GAS6: variants seen among roughly 807,000 people sequenced by gnomAD.
The protein encoded by GAS6 is growth arrest specific 6.
GAS6 carries 41 observed loss-of-function variants against 75.8 expected under a neutral mutation model. That is an observed-to-expected ratio of 0.54 (90% CI 0.42 to 0.70). The LOEUF (loss-of-function observed/expected upper bound fraction) is 0.70. GAS6 is among the 30% of genes least tolerant of loss of function. The pLI is 0.00. For synonymous variants in GAS6, 432 were observed against 412.6 expected (o/e 1.05, Z -0.57); for missense variants, 854 against 940.2 (o/e 0.91, Z 1.20).
rs746136457 is a variant in GAS6 at position 113,848,508 on chromosome 13, T to C, written c.256-458A>G. Among the ~76,000 whole-genome samples the C allele has an allele frequency of 1.3e-5, 2 of 152,138 alleles. No individual in the cohort carries two copies. The highest frequency in any genetic ancestry group is 2.9e-5 in the Non-Finnish European group (2 of 68,022). On this transcript the variant is annotated intron_variant, in intron 2 of 14. Transcript: ENST00000327773. This position sits in a 1 kb window ranked among gnomAD's most constrained non-coding sequence, Gnocchi z 4.8. ...TGGAGGCTGTAATGAAGGGTCTTCT[T>C]ATCCATGAAAGCGCACTGACGAGGT...
chr13:113,828,718 A>G lies in GAS6; in HGVS notation c.1144-7T>C, dbSNP rs1269960950. On this transcript the variant is annotated splice_polypyrimidine_tract_variant and splice_region_variant and intron_variant, in intron 10 of 14. Coordinates refer to ENST00000327773, the MANE Select transcript of GAS6 (RefSeq NM_000820.4). Reference sequence around the variant, plus strand: ...CCAGCTCCTCAACAGAGATCTGAAGAGAGGCAGCGCCATGAGAAAAGATGG... The same window carrying G: ...CCAGCTCCTCAACAGAGATCTGAAGGGAGGCAGCGCCATGAGAAAAGATGG... 3 of 1,611,966 alleles carry G rather than the reference A, an allele frequency of 1.9e-6. No individual in the cohort carries two copies. Among genetic ancestry groups the G allele is most frequent in the Middle Eastern group, 1.7e-4 (1 of 6,054 alleles).
At position 113,839,786 on chromosome 13, in the gene GAS6, G is replaced by A; in HGVS notation, c.408C>T (p.Leu136=). 6.2e-7 allele frequency: 1 copy of A among 1,614,060 alleles called. No individual in the cohort carries two copies. The change falls in exon 5 of 15, where the codon CTC becomes CTT. Residue 136 remains leucine (L), a synonymous_variant. Transcript: ENST00000327773. ...TACACAGGCAGAAGAAGTTGCCCAT[G>A]AGGTCCTGGCAGGCTTGGGTCCCCT... ...DRKGTQACQD[L]MGNFFCLCKA...
At chr13:113,847,081 C>A in intron 3 of GAS6, 1 of 481,876 alleles carries the variant, frequency 2.1e-6, no homozygotes, top group Non-Finnish European at 4.1e-6. Flanking sequence ...GGCACATGCA[C>A]ATCCAGGGAT....
chr13:113,828,770 A>G (rs2051587040), intron 10 of GAS6, 59 bp from the exon 11 acceptor site: 34 of 1,556,428 alleles, frequency 2.2e-5, no homozygotes, highest in Non-Finnish European at 2.9e-5. Context: ...GGGGCTCCCA[A>G]CTGAGAAAAA....
intron 2 of GAS6, among the ~76,000 whole-genome samples, chr13:113,857,890 C>CG: frequency 6.6e-6 from 1 of 152,226 alleles, no homozygotes; most frequent in East Asian, 1.9e-4. Flanking sequence ...TGCAGACGCC[C>CG]GGGTGAAAAC....
chr13:113,854,069 C>G (rs1204272051), intron 2 of GAS6, among the ~76,000 whole-genome samples: 1 of 152,198 alleles, frequency 6.6e-6, no homozygotes, highest in African/African-American at 2.4e-5. Flanking sequence ...ACCCGGCATG[C>G]CCATCTGCAC....
Position 113,846,194 on chromosome 13 carries a change from C to T in GAS6, c.343+333G>A, listed in dbSNP as rs561523479. ...GCCACGCGTGTGAAGAGCGGAAGGC[C>T]GCTCACACATGTTTACATGTCTAAG... On this transcript the variant is annotated intron_variant, in intron 4 of 14. Transcript: ENST00000327773. 3.3e-5 allele frequency among the ~76,000 whole-genome samples: 5 copies of T among 149,526 alleles called. No homozygotes were observed. In the South Asian group the frequency reaches 6.4e-4, roughly 19 times the overall value.
At chr13:113,861,755 C>G (rs914859128) in intron 2 of GAS6, among the ~76,000 whole-genome samples, 1 of 152,174 alleles carries the variant, frequency 6.6e-6, no homozygotes, top group Admixed American at 6.5e-5. Flanking sequence ...CGGCAGGAAC[C>G]GGAAACAGAA....
chr13:113,862,822 CCT>C (rs2051983036), intron 2 of GAS6, among the ~76,000 whole-genome samples: 1 of 152,194 alleles, frequency 6.6e-6, no homozygotes, highest in Non-Finnish European at 1.5e-5. Flanking sequence ...ATGAAATCAC[CCT>C]GACTTCAGGG....
Position 113,838,236 on chromosome 13 carries a change from C to A in GAS6, c.467-45G>T, listed in dbSNP as rs1194692490. ...TGAAGGGGAGCCCAAGGGTGCACAGCCCCTGGCTACGGTAGGAAGAGATCC... is the reference window on the plus strand; with the variant it reads ...TGAAGGGGAGCCCAAGGGTGCACAGACCCTGGCTACGGTAGGAAGAGATCC... On this transcript the variant is annotated intron_variant, in intron 5 of 14. Transcript: ENST00000327773. 2.6e-5 allele frequency: 41 copies of A among 1,607,536 alleles called. No homozygotes were observed. The Admixed American group carries it at 3.3e-4, about 13-fold the overall frequency.
chr13:113,848,989 C>T lies in GAS6; in HGVS notation c.256-939G>A, dbSNP rs76087222. Among the ~76,000 whole-genome samples, 4,678 of 152,284 alleles carry T rather than the reference C, an allele frequency of 0.031. 253 individuals carry two copies. The highest frequency in any genetic ancestry group is 0.11 in the African/African-American group (4,446 of 41,536). ...GGTAGGTACCCAGCGCCGTCTGCAA[C>T]GCGCCTCTGGCTTCATGCGCTGGCT... On this transcript the variant is annotated intron_variant, in intron 2 of 14. Transcript: ENST00000327773. This position sits in a 1 kb window ranked among gnomAD's most constrained non-coding sequence, Gnocchi z 4.8.
rs575587089 is a variant in GAS6 at position 113,820,826 on chromosome 13, G to A, written c.*38C>T. Reference sequence around the variant, plus strand: ...CCCCCAGGCTCCTCCCGGCTGTCTCGGACAGAGACTGAGAAGCCTGCCGCG... The same window carrying A: ...CCCCCAGGCTCCTCCCGGCTGTCTCAGACAGAGACTGAGAAGCCTGCCGCG... On this transcript the variant is annotated 3_prime_UTR_variant, in exon 15 of 15. Coordinates refer to ENST00000327773, the MANE Select transcript of GAS6 (RefSeq NM_000820.4). 46 of 1,595,904 alleles carry A rather than the reference G, an allele frequency of 2.9e-5. No homozygotes were observed. Among genetic ancestry groups the A allele is most frequent in the East Asian group, 2.0e-4 (9 of 44,480 alleles).
rs144103562 is a variant in GAS6, at chr13:113,828,661, A to T, written c.1194T>A (p.Asp398Glu). Residue 398 changes from aspartate (D) to glutamate (E), a missense_variant, in exon 11 of 15, where the codon GAT (aspartate) becomes GAA (glutamate). By Grantham distance (45) the Asp-to-Glu change is conservative. Transcript: ENST00000327773. ...ARNLVIKVNR[D>E]AVMKIAVAGD... ...CGGCCACCGCGATTTTCATGACAGC[A>T]TCCCTGTTGACCTTGATGACCAGAT... 2.5e-6 allele frequency: 4 copies of T among 1,613,608 alleles called. No individual in the cohort carries two copies. Among genetic ancestry groups the T allele is most frequent in the Non-Finnish European group, 3.4e-6 (4 of 1,180,004 alleles).
chr13:113,836,950 G>A lies in GAS6; in HGVS notation c.589+1119C>T, dbSNP rs911660551. Among the ~76,000 whole-genome samples, 11 of 150,564 alleles carry A rather than the reference G, an allele frequency of 7.3e-5. 1 individual carries two copies. The highest frequency in any genetic ancestry group is 4.0e-4 in the Admixed American group (6 of 15,142). On this transcript the variant is annotated intron_variant, in intron 6 of 14. Coordinates refer to ENST00000327773, the MANE Select transcript of GAS6 (RefSeq NM_000820.4). ...AGGAAGATGGGGAGGAGGAGGAGAGGACGGGAATGCCTCTGTCACTGTGGG... is the reference window on the plus strand; with the variant it reads ...AGGAAGATGGGGAGGAGGAGGAGAGAACGGGAATGCCTCTGTCACTGTGGG...
At chr13:113,838,026 T>C (rs1465236797) in intron 6 of GAS6, 43 bp downstream of exon 6, 3 of 1,604,846 alleles carry the variant, frequency 1.9e-6, no homozygotes, top group Non-Finnish European at 2.5e-6. Context: ...AAATAGAAGG[T>C]GGGGAGAGGA....
chr13:113,850,466 C>T (rs1237292779), intron 2 of GAS6, among the ~76,000 whole-genome samples: 1 of 152,180 alleles, frequency 6.6e-6, no homozygotes, highest in Non-Finnish European at 1.5e-5. Context: ...AGCTGGGATT[C>T]CCAGGCTGGA....
chr13:113,821,979 T>C lies in GAS6; in HGVS notation c.1861A>G (p.Thr621Ala). The change falls in exon 14 of 15, where the codon ACC becomes GCC. Residue 621 changes from threonine (T) to alanine (A), a missense_variant. Transcript: ENST00000327773. Reference protein sequence around the residue: ...LERHLRSPVLTFAGGLPDVPV... With the variant: ...LERHLRSPVLAFAGGLPDVPV... Reference sequence around the variant, plus strand: ...CTACCTGGCAGGCCGCCAGCAAAGGTGAGCACGGGGCTCCGCAGGTGCCTC... The same window carrying C: ...CTACCTGGCAGGCCGCCAGCAAAGGCGAGCACGGGGCTCCGCAGGTGCCTC... 6.5e-7 allele frequency: 1 copy of C among 1,541,224 alleles called. No homozygotes were observed. The highest frequency in any genetic ancestry group is 8.7e-7 in the Non-Finnish European group (1 of 1,145,664).
chr13:113,851,612 T>C (rs2051876670), intron 2 of GAS6, among the ~76,000 whole-genome samples: 1 of 151,632 alleles, frequency 6.6e-6, no homozygotes. Flanking sequence ...GATGAATAAA[T>C]GAAGGAATGA....
rs371109462 is a variant in GAS6 at position 113,821,031 on chromosome 13, G to A, written c.1883-13C>T. 6.2e-7 allele frequency: 1 copy of A among 1,611,684 alleles called. No homozygotes were observed. Among genetic ancestry groups the A allele is most frequent in the Non-Finnish European group, 8.5e-7 (1 of 1,179,558 alleles). Reference sequence around the variant, plus strand: ...GTCACCGGCACATCTGGGCCGCAGGGAGAGAACAACATATCTTAGCTCACC... The same window carrying A: ...GTCACCGGCACATCTGGGCCGCAGGAAGAGAACAACATATCTTAGCTCACC... On this transcript the variant is annotated splice_polypyrimidine_tract_variant and intron_variant, in intron 14 of 14. Transcript: ENST00000327773.
Sources: gnomAD v4.1 joint callset for allele counts (sites outside exome capture counted in the v4.1 genomes callset) on GRCh38, gnomAD v4.1.1 for gene constraint, Gnocchi (gnomAD v3.1) non-coding constraint, MANE v1.5 for transcripts, NCBI Gene and HGNC (gene_info 2026-07-23, HGNC 2026-07-21) for gene names.